PKD2: variants seen among roughly 807,000 people sequenced by gnomAD.
PKD2 encodes the protein polycystin 2, transient receptor potential cation channel.
In PKD2, 48 loss-of-function variants were observed where a neutral mutation model predicts 105.9. The observed-to-expected ratio is 0.45, with a 90% confidence interval of 0.36 to 0.58. The LOEUF (loss-of-function observed/expected upper bound fraction) is 0.58. Ranked by LOEUF, PKD2 falls within the 20% of genes least tolerant of loss-of-function variation. PKD2 has a pLI of 0.00. For synonymous variants in PKD2, 464 were observed against 481.1 expected (o/e 0.96, Z 0.46); for missense variants, 1,078 against 1,255.3 (o/e 0.86, Z 2.13).
chr4:88,009,778 C>T (rs1726324388), intron 1 of PKD2, among the ~76,000 whole-genome samples: 1 of 152,250 alleles, frequency 6.6e-6, no homozygotes. Context: ...TGTTATTTTA[C>T]ACCATTTAAA....
chr4:88,048,768 G>A (rs940767681), intron 6 of PKD2, among the ~76,000 whole-genome samples: 5 of 152,148 alleles, frequency 3.3e-5, no homozygotes, highest in African/African-American at 1.2e-4. Context: ...GTAAACCCTT[G>A]ATCCCCAAAT....
chr4:88,068,718 C>G (rs891911518), intron 13 of PKD2, among the ~76,000 whole-genome samples: 7 of 152,214 alleles, frequency 4.6e-5, no homozygotes, highest in South Asian at 2.1e-4. Flanking sequence ...AATGAATATT[C>G]TGCTGTTCAA....
chr4:88,045,429 A>G (rs1302735441), intron 5 of PKD2, among the ~76,000 whole-genome samples: 3 of 152,244 alleles, frequency 2.0e-5, no homozygotes, highest in Non-Finnish European at 4.4e-5. Flanking sequence ...CTAATTTACC[A>G]TAGTCCTGTT....
intron 1 of PKD2, among the ~76,000 whole-genome samples, chr4:88,011,052 A>G (rs1726365158): frequency 6.6e-6 from 1 of 152,234 alleles, no homozygotes; most frequent in Non-Finnish European, 1.5e-5. Context: ...AAAGGAGGCA[A>G]GAAGACCTGT....
At position 88,056,116 on chromosome 4, in the gene PKD2, A is replaced by G. The variant is rs1720320720; in HGVS notation, c.1747A>G (p.Met583Val). ...CAAATTCATCAATTTTAACAGGACC[A>G]TGAGCCAGCTCTCGACAACCATGTC... ...LFKFINFNRTMSQLSTTMSRC... is the reference protein window; with the variant it reads ...LFKFINFNRTVSQLSTTMSRC... The change falls in exon 8 of 15, where the codon ATG becomes GTG. Residue 583 changes from methionine (M) to valine (V), a missense_variant. Around this residue, in one of 2 missense-constraint regions of PKD2, gnomAD observed 868 missense variants for 1,067.3 expected, o/e 0.81. Coordinates refer to ENST00000237596, the MANE Select transcript of PKD2 (RefSeq NM_000297.4). The G allele has an allele frequency of 6.2e-7, 1 of 1,613,500 alleles. No homozygotes were observed. The highest frequency in any genetic ancestry group is 1.3e-5 in the African/African-American group (1 of 74,910).
intron 13 of PKD2, among the ~76,000 whole-genome samples, chr4:88,070,601 T>G (rs7687179): frequency 0.65 from 59,068 of 91,404 alleles, 18,944 homozygotes; most frequent in South Asian, 0.74. Context: ...TATATATATA[T>G]AGAGAGAGAG....
chr4:88,059,744 C>T (rs569985737), intron 9 of PKD2, among the ~76,000 whole-genome samples: 87 of 147,836 alleles, frequency 5.9e-4, no homozygotes, highest in East Asian at 5.0e-3. Flanking sequence ...TACATACATA[C>T]GTACATACAT....
intron 2 of PKD2, among the ~76,000 whole-genome samples, chr4:88,035,355 A>G (rs367682951): frequency 2.1e-4 from 32 of 152,340 alleles, no homozygotes; most frequent in Admixed American, 5.9e-4. Flanking sequence ...GTCTGTGTCA[A>G]TCAGTATCCT....
In PKD2 at chr4:88,008,060, A is replaced by C. The variant is rs1302363407; in HGVS notation, c.327A>C (p.Gly109=). The C allele has an allele frequency of 6.6e-7, 1 of 1,521,568 alleles. No individual in the cohort carries two copies. The highest frequency in any genetic ancestry group is 8.8e-7 in the Non-Finnish European group (1 of 1,139,642). The allele number at this position is 1,521,568 out of a possible 1,614,324, so 94.3% of individuals were successfully genotyped here. A position where few individuals can be genotyped will look rare whatever the true frequency, so the allele number is the denominator to read the frequency against. ...AGGAGGTGGAAGGGGAAGAAGGCGG[A>C]ATGGTGGTGGAGATGGACGTAGAGT... ...EEEEVEGEEG[G]MVVEMDVEWR... The change falls in exon 1 of 15, where the codon GGA becomes GGC. Residue 109 remains glycine, a synonymous_variant. Transcript: ENST00000237596.
chr4:88,030,238 G>A (rs13149278), intron 2 of PKD2, among the ~76,000 whole-genome samples: 35,957 of 151,928 alleles, frequency 0.24, 5,161 homozygotes, highest in Non-Finnish European at 0.32. Flanking sequence ...TGCAGCTTGG[G>A]GGCTCAAGAG....
At chr4:88,067,812 C>T (rs1010277559) in intron 12 of PKD2, 86 bp from the exon 13 acceptor site, 9 of 1,112,946 alleles carry the variant, frequency 8.1e-6, no homozygotes, top group African/African-American at 1.5e-5. Context: ...TGGCATGCAC[C>T]CAGTTCCTGC....
At chr4:88,016,336 A>G (rs1318061334) in intron 1 of PKD2, among the ~76,000 whole-genome samples, 1 of 152,208 alleles carries the variant, frequency 6.6e-6, no homozygotes, top group Non-Finnish European at 1.5e-5. Context: ...ACACCTGGAA[A>G]CATTGAATAC....
At chr4:88,038,127 C>A in intron 3 of PKD2, 124 bp from the exon 4 acceptor site, 1 of 1,041,798 alleles carries the variant, frequency 9.6e-7, no homozygotes, top group Non-Finnish European at 1.5e-6. Flanking sequence ...GACAACAAAA[C>A]TCATTCTTAT....
intron 5 of PKD2, among the ~76,000 whole-genome samples, chr4:88,045,378 A>C (rs1419725553): frequency 6.6e-6 from 1 of 152,222 alleles, no homozygotes; most frequent in Non-Finnish European, 1.5e-5. Flanking sequence ...GAGAACTGAC[A>C]ATGAAAAGGA....
In PKD2 at chr4:88,008,266, T is replaced by TCCC. The variant is rs1371793191; in HGVS notation, c.536_538dup (p.Pro179dup). ...GGCGGGGACCCGCTGCATCGCCACC[T>TCCC]CCCCCTGGAAGGGCAGCCGCCCCGA... On this transcript the variant is annotated inframe_insertion, in exon 1 of 15. Transcript: ENST00000237596. 8.9e-6 allele frequency: 13 copies of TCCC among 1,466,102 alleles called. No homozygotes were observed. Among genetic ancestry groups the TCCC allele is most frequent in the Non-Finnish European group, 1.2e-5 (13 of 1,113,434 alleles). The allele number at this position is 1,466,102 out of a possible 1,614,324, so 90.8% of individuals were successfully genotyped here. A position where few individuals can be genotyped will look rare whatever the true frequency, so the allele number is the denominator to read the frequency against.
intron 3 of PKD2, 79 bp downstream of exon 3, chr4:88,036,432 A>C (rs1727336566): frequency 1.2e-6 from 2 of 1,600,254 alleles, no homozygotes; most frequent in African/African-American, 2.7e-5. Flanking sequence ...ATGCATGAGT[A>C]TCGACAGGAC....
chr4:88,053,399 G>A (rs983794200), intron 7 of PKD2, among the ~76,000 whole-genome samples: 1 of 152,158 alleles, frequency 6.6e-6, no homozygotes, highest in Admixed American at 6.6e-5. Flanking sequence ...AGTGGCTCAT[G>A]CCTGTAATTC....
At chr4:88,030,662 TGCCCACCCGAACCG>T (rs1195327153) in intron 2 of PKD2, among the ~76,000 whole-genome samples, 1 of 152,222 alleles carries the variant, frequency 6.6e-6, no homozygotes, top group Non-Finnish European at 1.5e-5. Context: ...AGCTTAGTGG[TGCCCACCCGAACCG>T]GCCCCCTCCT....
chr4:88,061,737 C>CAA lies in PKD2; in HGVS notation c.2020-159_2020-158dup, dbSNP rs60055635. ...TGGGCAACACAGTGAGACTCTGTCT[C>CAA]AAAAAAAAAAATTTTTTTTTAAATA... On this transcript the variant is annotated intron_variant, in intron 9 of 14. Transcript: ENST00000237596. 1.0e-3 allele frequency among the ~76,000 whole-genome samples: 142 copies of CAA among 142,336 alleles called. 1 individual carries two copies. In the East Asian group the frequency reaches 0.024, roughly 24 times the overall value. 93.4% of individuals were successfully genotyped at this position (142,336 alleles called of 152,430 possible). A position where few individuals can be genotyped will look rare whatever the true frequency, so the allele number is the denominator to read the frequency against.
Sources: gnomAD v4.1 joint callset for allele counts (sites outside exome capture counted in the v4.1 genomes callset) on GRCh38, gnomAD v4.1.1 for gene constraint, gnomAD v4.1.1 regional missense constraint, MANE v1.5 for transcripts, NCBI Gene and HGNC (gene_info 2026-07-23, HGNC 2026-07-21) for gene names.